PRR12: variants seen among roughly 807,000 people sequenced by gnomAD.
PRR12 encodes the protein proline rich 12.
Under a neutral mutation model 138.0 loss-of-function variants are expected in PRR12, and 12 were observed. The ratio of observed to expected loss-of-function variants is 0.09; its 90% CI spans 0.06 to 0.14. The LOEUF (loss-of-function observed/expected upper bound fraction) is 0.14. Among genes scored for constraint, PRR12 ranks in the 10% least tolerant of loss-of-function variants. The pLI, the probability that PRR12 is intolerant of heterozygous loss-of-function variation, is 1.00. For missense variants in PRR12, 2,692 were observed against 2,861.3 expected (o/e 0.94, Z 1.35); for synonymous variants, 1,567 against 1,291.7 (o/e 1.21, Z -4.57).
At position 49,591,279 on chromosome 19, in the gene PRR12, C is replaced by T. The variant is rs1231811950; in HGVS notation, c.-376C>T. On this transcript the variant is annotated 5_prime_UTR_variant, in exon 1 of 14. Coordinates refer to ENST00000418929, the MANE Select transcript of PRR12 (RefSeq NM_020719.3). ...GCGGCGAGAGAGCGAGCACCCAGCG[C>T]CTGCACCCACCCCGGGGCCGCCCGG... Among the ~76,000 whole-genome samples, 2 of 150,566 alleles carry T rather than the reference C, an allele frequency of 1.3e-5. No homozygotes were observed. Among genetic ancestry groups the T allele is most frequent in the Non-Finnish European group, 3.0e-5 (2 of 67,532 alleles).
chr19:49,593,763 C>T (rs1013764805), intron 2 of PRR12, among the ~76,000 whole-genome samples: 1 of 152,182 alleles, frequency 6.6e-6, no homozygotes, highest in Non-Finnish European at 1.5e-5. Context: ...TTGCCCTATT[C>T]TTTTGGCTCT....
At chr19:49,609,441 G>C (rs1332502849) in intron 6 of PRR12, among the ~76,000 whole-genome samples, 1 of 151,850 alleles carries the variant, frequency 6.6e-6, no homozygotes, top group Non-Finnish European at 1.5e-5. Context: ...TCTCTACTAA[G>C]AATACAAAAA....
rs2080812478 is a variant in PRR12 at position 49,601,718 on chromosome 19, GCTC to G, written c.4579_4581del (p.Pro1527del). The G allele has an allele frequency of 1.9e-6, 3 of 1,543,592 alleles. 1 individual carries two copies. The highest frequency in any genetic ancestry group is 2.4e-5 in the South Asian group (2 of 84,010). ...CCCACCAGCCGCTGCCCCACTGGCT[GCTC>G]CTCCTGAGGAGCCCGCCGCCCCGTC... On this transcript the variant is annotated inframe_deletion, in exon 6 of 14. Coordinates refer to ENST00000418929, the MANE Select transcript of PRR12 (RefSeq NM_020719.3).
In PRR12 at chr19:49,625,409, T is replaced by TC; in HGVS notation, c.5965-48dup. 1 of 1,500,676 alleles carries TC rather than the reference T, an allele frequency of 6.7e-7. No homozygotes were observed. The highest frequency in any genetic ancestry group is 8.9e-7 in the Non-Finnish European group (1 of 1,118,040). The allele number at this position is 1,500,676 out of a possible 1,614,324, so 93.0% of individuals were successfully genotyped here. On this transcript the variant is annotated intron_variant, in intron 13 of 13. Coordinates refer to ENST00000418929, the MANE Select transcript of PRR12 (RefSeq NM_020719.3). The surrounding 1 kb of genome is among the most constrained non-coding windows in gnomAD (Gnocchi z 5.5). ...AGGCCCCATGCCCCAGCCCCTTCCC[T>TC]CCCCAGAGGCCGGTGTGCCACCCTC...
chr19:49,597,671 C>T lies in PRR12; in HGVS notation c.3336C>T (p.Ala1112=), dbSNP rs776739544. 2.1e-5 allele frequency: 33 copies of T among 1,605,766 alleles called. No individual in the cohort carries two copies. Among genetic ancestry groups the T allele is most frequent in the Admixed American group, 3.4e-5 (2 of 59,266 alleles). Residue 1112 remains alanine, a synonymous_variant, in exon 4 of 14, where the codon GCC becomes GCT. Coordinates refer to ENST00000418929, the MANE Select transcript of PRR12 (RefSeq NM_020719.3). The surrounding 1 kb of genome is among the most constrained non-coding windows in gnomAD (Gnocchi z 6.3). ...EADEDKADVP[A]DIRLNPRRLP... is the part of the protein sequence containing the mutation. The stretch of plus-strand genomic sequence containing the variant: ...ACGAGGACAAGGCCGATGTTCCCGC[C>T]GACATCCGCCTCAACCCCCGGCGCT...
chr19:49,624,900 G>A lies in PRR12; in HGVS notation c.5778G>A (p.Pro1926=), dbSNP rs201077414. 288 of 1,609,696 alleles carry A rather than the reference G, an allele frequency of 1.8e-4. No individual in the cohort carries two copies. In the African/African-American group the frequency reaches 3.3e-3, roughly 18 times the overall value. ...TGGAGCAGAGTGGGGAGGGCTCTCC[G>A]GAAGAGGGGGCTGTGCGGCTGCGGC... is the stretch of plus-strand genomic sequence containing the variant. ...LQVEQSGEGS[P]EEGAVRLRPA... The change falls in exon 12 of 14, where the codon CCG becomes CCA. Residue 1926 remains proline (P), a synonymous_variant. Coordinates refer to ENST00000418929, the MANE Select transcript of PRR12 (RefSeq NM_020719.3).
In PRR12 at chr19:49,616,246, G is replaced by A. The variant is rs2122359593; in HGVS notation, c.5497+27G>A. ...TGAGGCCCTAGGCAGCCTCAGGGCT[G>A]CAGGGGTGGGTGGGGAAGGGACACA... On this transcript the variant is annotated intron_variant, in intron 9 of 13. Transcript: ENST00000418929. This position sits in a 1 kb window ranked among gnomAD's most constrained non-coding sequence, Gnocchi z 4.2. The A allele has an allele frequency of 2.0e-6, 3 of 1,486,716 alleles. No homozygotes were observed. Among genetic ancestry groups the A allele is most frequent in the Middle Eastern group, 3.8e-4 (2 of 5,222 alleles). 92.1% of individuals were successfully genotyped at this position (1,486,716 alleles called of 1,614,324 possible).
intron 6 of PRR12, among the ~76,000 whole-genome samples, chr19:49,611,918 G>A (rs545770882): frequency 5.0e-5 from 2 of 39,824 alleles, no homozygotes; most frequent in Non-Finnish European, 8.3e-5. Flanking sequence ...GCGAGACTCC[G>A]TCTCAAAAAA....
rs763608864 is a variant in PRR12 at position 49,595,757 on chromosome 19, C to T, written c.1422C>T (p.Ser474=). 1.4e-5 allele frequency: 22 copies of T among 1,600,388 alleles called. No homozygotes were observed. In the African/African-American group the frequency reaches 1.7e-4, roughly 13 times the overall value. Residue 474 remains serine (S), a synonymous_variant, in exon 4 of 14, where the codon AGC becomes AGT. Transcript: ENST00000418929. The part of the protein sequence containing the change: ...GQAQDLSKAP[S]YSGGPPQPPS... Reference sequence around the variant, plus strand: ...CACAGGACTTGAGCAAAGCCCCCAGCTACTCAGGGGGCCCCCCACAGCCCC... The same window carrying T: ...CACAGGACTTGAGCAAAGCCCCCAGTTACTCAGGGGGCCCCCCACAGCCCC...
chr19:49,595,400 G>A lies in PRR12; in HGVS notation c.1065G>A (p.Thr355=), dbSNP rs771193678. Residue 355 remains threonine (T), a synonymous_variant, in exon 4 of 14, where the codon ACG becomes ACA. Transcript: ENST00000418929. The stretch of plus-strand genomic sequence containing the variant: ...GCAAGGCTGGTCCCAGCGGAGCCAC[G>A]GCTGGGGCATCTGGCCGGGCCACGG... ...EPSKAGPSGA[T]AGASGRATGP... The A allele has an allele frequency of 1.3e-5, 20 of 1,543,378 alleles. No individual in the cohort carries two copies. Among genetic ancestry groups the A allele is most frequent in the East Asian group, 1.2e-4 (5 of 40,798 alleles).
Position 49,616,464 on chromosome 19 carries a change from A to T in PRR12, c.5497+245A>T, listed in dbSNP as rs2080893805. Among the ~76,000 whole-genome samples, 1 of 152,222 alleles carries T rather than the reference A, an allele frequency of 6.6e-6. No homozygotes were observed. Among genetic ancestry groups the T allele is most frequent in the Admixed American group, 6.5e-5 (1 of 15,282 alleles). ...GGTAGATACTGTTATCCTCATCTAC[A>T]GATGAGGAAGCTGAGGCTCCAAGAG... On this transcript the variant is annotated intron_variant, in intron 9 of 13. Coordinates refer to ENST00000418929, the MANE Select transcript of PRR12 (RefSeq NM_020719.3). This position sits in a 1 kb window ranked among gnomAD's most constrained non-coding sequence, Gnocchi z 4.2.
In PRR12 at chr19:49,599,564, C is replaced by T. The variant is rs1301991333; in HGVS notation, c.3971C>T (p.Pro1324Leu). 1.9e-6 allele frequency: 3 copies of T among 1,595,246 alleles called. No individual in the cohort carries two copies. The highest frequency in any genetic ancestry group is 1.7e-6 in the Non-Finnish European group (2 of 1,171,092). Residue 1324 changes from proline (P) to leucine (L), a missense_variant, in exon 5 of 14, where the codon CCC becomes CTC. Physicochemically the swap from Pro to Leu is moderately conservative, Grantham distance 98. Transcript: ENST00000418929. The surrounding 1 kb of genome is among the most constrained non-coding windows in gnomAD (Gnocchi z 5.0). ...PPSVPARGLQ[P>L]QPPATPAVPH... The stretch of plus-strand genomic sequence containing the variant: ...TCTGTGCCAGCCCGAGGCCTGCAGC[C>T]CCAGCCCCCTGCCACCCCTGCTGTG...
chr19:49,597,002 G>T lies in PRR12; in HGVS notation c.2667G>T (p.Pro889=). 1 of 1,557,354 alleles carries T rather than the reference G, an allele frequency of 6.4e-7. No homozygotes were observed. Among genetic ancestry groups the T allele is most frequent in the Non-Finnish European group, 8.7e-7 (1 of 1,153,990 alleles). The part of the protein sequence containing the change: ...AMQELLGALE[P]LPPAPGDTGV... ...AGGAATTGCTCGGGGCTCTGGAGCC[G>T]CTGCCCCCGGCGCCTGGGGATACTG... The change falls in exon 4 of 14, where the codon CCG becomes CCT. Residue 889 remains proline, a synonymous_variant. Transcript: ENST00000418929. The surrounding 1 kb of genome is among the most constrained non-coding windows in gnomAD (Gnocchi z 6.3).
At position 49,606,647 on chromosome 19, in the gene PRR12, T is replaced by C. The variant is rs867208767; in HGVS notation, c.4773+4729T>C. Among the ~76,000 whole-genome samples the C allele has an allele frequency of 1.1e-4, 15 of 139,436 alleles. 1 individual carries two copies. The highest frequency in any genetic ancestry group is 2.4e-4 in the African/African-American group (9 of 37,850). 91.5% of individuals were successfully genotyped at this position (139,436 alleles called of 152,430 possible). On this transcript the variant is annotated intron_variant, in intron 6 of 13. Transcript: ENST00000418929. ...TTTTTTTCTTTTATACCATCTCTCT[T>C]TTTTTTTTTTTTTTTTTGAGATGGA...
Position 49,595,187 on chromosome 19 carries a change from C to G in PRR12, c.852C>G (p.Arg284=). The change falls in exon 4 of 14, where the codon CGC becomes CGG. Residue 284 remains arginine, a synonymous_variant. Transcript: ENST00000418929. The stretch of plus-strand genomic sequence containing the variant: ...CGCCGCCTGAGCGGGCCCTGCCACG[C>G]CAGGACACGGTCATCAAGCACTACC... ...GPPPPERALP[R]QDTVIKHYQR... is the part of the protein sequence containing the mutation. 6.2e-7 allele frequency: 1 copy of G among 1,606,768 alleles called. No individual in the cohort carries two copies. Among genetic ancestry groups the G allele is most frequent in the Non-Finnish European group, 8.5e-7 (1 of 1,177,920 alleles).
At position 49,616,029 on chromosome 19, in the gene PRR12, G is replaced by A; in HGVS notation, c.5307G>A (p.Arg1769=). The change falls in exon 9 of 14, where the codon CGG becomes CGA. Residue 1769 remains arginine, a synonymous_variant. Coordinates refer to ENST00000418929, the MANE Select transcript of PRR12 (RefSeq NM_020719.3). This position sits in a 1 kb window ranked among gnomAD's most constrained non-coding sequence, Gnocchi z 4.2. ...GCGGACGGCAGACACGGCCAGAGCG[G>A]AGTCTCGCCACGGGACAACCTGCCA... ...ATSGRQTRPE[R]SLATGQPATS... is the part of the protein sequence containing the mutation. 1 of 1,555,648 alleles carries A rather than the reference G, an allele frequency of 6.4e-7. No individual in the cohort carries two copies.
intron 6 of PRR12, among the ~76,000 whole-genome samples, chr19:49,605,335 T>C (rs577136527): frequency 4.6e-5 from 7 of 152,094 alleles, no homozygotes; most frequent in African/African-American, 1.7e-4. Flanking sequence ...CGATCTCGGC[T>C]CACCGCAACC....
chr19:49,594,605 C>A lies in PRR12; in HGVS notation c.351C>A (p.Ser117=). ...TCCTCTCCCAGTTCCGCAGTCCTTC[C>A]TGGCAAACAGGTAAGCCCAGCGCCG... The part of the protein sequence containing the change: ...SSLLSQFRSP[S]WQTAMHTPGP... The change falls in exon 3 of 14, where the codon TCC becomes TCA. Residue 117 remains serine (S), a synonymous_variant. Transcript: ENST00000418929. The surrounding 1 kb of genome is among the most constrained non-coding windows in gnomAD (Gnocchi z 5.6). 1 of 1,612,428 alleles carries A rather than the reference C, an allele frequency of 6.2e-7. No homozygotes were observed. Among genetic ancestry groups the A allele is most frequent in the Non-Finnish European group, 8.5e-7 (1 of 1,179,674 alleles).
Position 49,595,926 on chromosome 19 carries a change from C to T in PRR12, c.1591C>T (p.Leu531Phe). ...GGGGCTGCCCACAGCCAGCCCCTCG[C>T]TCAGCTACAGTACCGGCCATTCCCC... ...SQGLPTASPS[L>F]SYSTGHSPAL... The change falls in exon 4 of 14, where the codon CTC becomes TTC. Residue 531 changes from leucine (L) to phenylalanine (F), a missense_variant. Physicochemically the swap from Leu to Phe is conservative, Grantham distance 22. This residue lies in a region of PRR12 where 523 missense variants were observed against 496.4 expected (regional missense o/e 1.05). Transcript: ENST00000418929. 1 of 1,602,074 alleles carries T rather than the reference C, an allele frequency of 6.2e-7. No homozygotes were observed. The highest frequency in any genetic ancestry group is 8.5e-7 in the Non-Finnish European group (1 of 1,179,664).
Sources: gnomAD v4.1 joint callset for allele counts (sites outside exome capture counted in the v4.1 genomes callset) on GRCh38, gnomAD v4.1.1 for gene constraint, gnomAD v4.1.1 regional missense constraint, Gnocchi (gnomAD v3.1) non-coding constraint, MANE v1.5 for transcripts, NCBI Gene and HGNC (gene_info 2026-07-23, HGNC 2026-07-21) for gene names.